Variants in FAF1 observed in about 807,000 individuals in gnomAD.
FAF1 encodes the protein FAS-associated factor 1.
A neutral mutation model predicts 92.5 loss-of-function variants in FAF1; 25 were observed. That is an observed-to-expected ratio of 0.27 (90% confidence interval 0.20 to 0.38). FAF1 has a LOEUF of 0.38. Ranked by LOEUF, FAF1 falls within the 10% of genes least tolerant of loss-of-function variation. The pLI, the probability that FAF1 is intolerant of heterozygous loss-of-function variation, is 1.00. For missense variants in FAF1, 636 were observed against 793.3 expected (o/e 0.80, Z 2.38); for synonymous variants, 234 against 273.2 (o/e 0.86, Z 1.42).
intron 14 of FAF1, 65 bp from the exon 15 acceptor site, chr1:50,535,522 G>A (rs1648431156): frequency 2.2e-6 from 2 of 905,694 alleles, no homozygotes; most frequent in Non-Finnish European, 1.7e-6. Flanking sequence ...AATTATTAAA[G>A]TATTAGAAAC....
intron 18 of FAF1, among the ~76,000 whole-genome samples, chr1:50,449,048 G>A (rs1646262878): frequency 6.7e-6 from 1 of 149,312 alleles, no homozygotes. Context: ...GTAACATAAA[G>A]CCACAACAAA....
intron 8 of FAF1, among the ~76,000 whole-genome samples, chr1:50,650,224 C>T (rs1193878175): frequency 2.1e-5 from 3 of 140,652 alleles, no homozygotes; most frequent in Admixed American, 7.7e-5. Flanking sequence ...GCAGAGGCTG[C>T]GGTGAGCCGG....
At chr1:50,479,779 T>C (rs1646679292) in intron 17 of FAF1, among the ~76,000 whole-genome samples, 1 of 152,166 alleles carries the variant, frequency 6.6e-6, no homozygotes, top group East Asian at 1.9e-4. Flanking sequence ...CTCCAGGGCT[T>C]TTCCCCAGAA....
chr1:50,596,239 T>C (rs1651809298), intron 8 of FAF1, 23 bp from the exon 9 acceptor site: 4 of 1,543,858 alleles, frequency 2.6e-6, no homozygotes, highest in African/African-American at 1.4e-5. Context: ...GAATCCATCA[T>C]TTGTAAACAA....
chr1:50,663,961 T>C (rs1655506460), intron 7 of FAF1, among the ~76,000 whole-genome samples: 1 of 151,418 alleles, frequency 6.6e-6, no homozygotes, highest in South Asian at 2.1e-4. Context: ...GCATTCTCAG[T>C]TTAATCTAAA....
At chr1:50,735,750 C>G (rs565976766) in intron 6 of FAF1, among the ~76,000 whole-genome samples, 2 of 152,194 alleles carry the variant, frequency 1.3e-5, no homozygotes, top group Admixed American at 1.3e-4. Context: ...GGGTCTTGCT[C>G]TACTGCCCAG....
intron 2 of FAF1, among the ~76,000 whole-genome samples, chr1:50,819,300 T>A (rs567151406): frequency 3.3e-4 from 50 of 152,132 alleles, no homozygotes; most frequent in African/African-American, 1.2e-3. Flanking sequence ...TTCATAGGGC[T>A]ATCTACATTT....
intron 8 of FAF1, among the ~76,000 whole-genome samples, chr1:50,647,060 G>A (rs554433373): frequency 1.1e-4 from 17 of 152,120 alleles, no homozygotes; most frequent in African/African-American, 3.9e-4. Context: ...TGTTGGCCAG[G>A]CTGGTCTCAA....
At chr1:50,635,808 G>C (rs1439825909) in intron 8 of FAF1, among the ~76,000 whole-genome samples, 2 of 152,166 alleles carry the variant, frequency 1.3e-5, no homozygotes, top group Non-Finnish European at 2.9e-5. Context: ...GATTAGCGCA[G>C]AGGTAAAGAT....
chr1:50,826,368 T>C (rs536893362), intron 2 of FAF1, among the ~76,000 whole-genome samples: 29 of 151,924 alleles, frequency 1.9e-4, no homozygotes, highest in African/African-American at 6.3e-4. Flanking sequence ...TTAGCCAACA[T>C]GGTGAAACCC....
At chr1:50,697,331 C>T (rs1657276997) in intron 7 of FAF1, among the ~76,000 whole-genome samples, 1 of 152,064 alleles carries the variant, frequency 6.6e-6, no homozygotes, top group African/African-American at 2.4e-5. Context: ...AGTTCTATTG[C>T]TTTTAAAAGG....
At chr1:50,468,335 C>T (rs1412452460) in intron 18 of FAF1, among the ~76,000 whole-genome samples, 1 of 152,028 alleles carries the variant, frequency 6.6e-6, no homozygotes. Flanking sequence ...CTCTGTCTCC[C>T]AGGCTAGAGT....
chr1:50,935,541 G>A (rs1006063878), intron 1 of FAF1, among the ~76,000 whole-genome samples: 1 of 150,798 alleles, frequency 6.6e-6, no homozygotes, highest in Non-Finnish European at 1.5e-5. Context: ...CAGGGTATCA[G>A]CTCACTGCAA....
At chr1:50,660,610 C>T (rs1421970233) in intron 7 of FAF1, among the ~76,000 whole-genome samples, 1 of 151,996 alleles carries the variant, frequency 6.6e-6, no homozygotes, top group Non-Finnish European at 1.5e-5. Context: ...TCTCCTGCCT[C>T]AGCCTCCTGA....
intron 8 of FAF1, among the ~76,000 whole-genome samples, chr1:50,643,250 A>G (rs1355000472): frequency 1.3e-5 from 2 of 151,626 alleles, no homozygotes; most frequent in Non-Finnish European, 2.9e-5. Context: ...AACATGCATT[A>G]TTAACCTAAC....
Position 50,439,482 on chromosome 1 carries a change from G to A in FAF1, c.*1958C>T, listed in dbSNP as rs960898985. 2 of 151,522 alleles carry A rather than the reference G, an allele frequency of 1.3e-5. No individual in the cohort carries two copies. The highest frequency in any genetic ancestry group is 2.9e-5 in the Non-Finnish European group (2 of 68,018). The allele number at this position is 151,522 out of a possible 1,614,324, so 9.4% of individuals were successfully genotyped here. ...AATAACTTCCATGAAATTGGCTTTA[G>A]AGTAAAGTCTATATTGTTGTAATAC... On this transcript the variant is annotated 3_prime_UTR_variant, in exon 19 of 19. Transcript: ENST00000396153.
rs191239496 is a variant in FAF1 at position 50,588,173 on chromosome 1, G to A, written c.841-3362C>T. Among the ~76,000 whole-genome samples the A allele has an allele frequency of 6.1e-4, 93 of 152,244 alleles. No homozygotes were observed. In the Middle Eastern group the frequency reaches 0.017, roughly 28 times the overall value. On this transcript the variant is annotated intron_variant, in intron 9 of 18. Coordinates refer to ENST00000396153, the MANE Select transcript of FAF1 (RefSeq NM_007051.3). ...GCGGTGGCAGACGCCTGTAATCCCA[G>A]CTACCTGGAAGGCTGAGGCAGGAGA...
At chr1:50,934,552 G>A (rs1422896169) in intron 1 of FAF1, among the ~76,000 whole-genome samples, 3 of 151,896 alleles carry the variant, frequency 2.0e-5, no homozygotes, top group Non-Finnish European at 2.9e-5. Flanking sequence ...GTGAGACCCC[G>A]TCTCTACAAA....
At chr1:50,707,931 C>T (rs12086130) in intron 6 of FAF1, among the ~76,000 whole-genome samples, 18,447 of 152,050 alleles carry the variant, frequency 0.12, 1,399 homozygotes, top group African/African-American at 0.22. Context: ...ATGACTTGCA[C>T]TGTTCCAGGT....
Sources: allele counts gnomAD v4.1 joint callset (sites outside exome capture counted in the v4.1 genomes callset), GRCh38; gene constraint gnomAD v4.1.1; transcripts MANE v1.5; gene names NCBI Gene and HGNC (gene_info 2026-07-23, HGNC 2026-07-21).